STK3: variants seen among roughly 807,000 people sequenced by gnomAD.
STK3 encodes the protein serine/threonine kinase 3.
Under a neutral mutation model 58.0 loss-of-function variants are expected in STK3, and 41 were observed. The observed-to-expected ratio is 0.71, with a 90% CI of 0.55 to 0.92. The LOEUF (loss-of-function observed/expected upper bound fraction) is 0.92. Ranked by LOEUF, STK3 falls within the 40% of genes least tolerant of loss-of-function variation. The probability of loss-of-function intolerance (pLI) is 0.00; values close to 1 mark genes in which losing one functional copy is unlikely to be tolerated. For missense variants in STK3, 479 were observed against 602.7 expected (o/e 0.79, Z 2.15); for synonymous variants, 170 against 191.0 (o/e 0.89, Z 0.91).
intron 6 of STK3, chr8:98,598,115 A>G: frequency 2.0e-6 from 2 of 985,410 alleles, no homozygotes; most frequent in African/African-American, 3.5e-5. Flanking sequence ...CTGCAGGTAA[A>G]TTATACTAGA....
intron 3 of STK3, among the ~76,000 whole-genome samples, chr8:98,417,677 C>T (rs1483051379): frequency 6.6e-6 from 1 of 152,132 alleles, no homozygotes. Context: ...CATGCCCCAC[C>T]ATGTTGTTGT....
At chr8:98,557,390 G>C (rs1402865967) in intron 8 of STK3, among the ~76,000 whole-genome samples, 1 of 152,032 alleles carries the variant, frequency 6.6e-6, no homozygotes, top group African/African-American at 2.4e-5. Flanking sequence ...GCATTACCTT[G>C]AAACTGTACT....
chr8:98,502,103 C>T, intron 10 of STK3, among the ~76,000 whole-genome samples: 1 of 152,134 alleles, frequency 6.6e-6, no homozygotes, highest in Non-Finnish European at 1.5e-5. Context: ...TGTAATTCTC[C>T]TTGAAAAGGT....
At chr8:98,863,190 A>G (rs1371518186) in intron 3 of STK3, among the ~76,000 whole-genome samples, 1 of 152,226 alleles carries the variant, frequency 6.6e-6, no homozygotes, top group African/African-American at 2.4e-5. Context: ...AATATGAAGT[A>G]TGATAGAGAT....
chr8:98,523,373 C>A lies in STK3; in HGVS notation c.1317+3369G>T, dbSNP rs1034829487. On this transcript the variant is annotated intron_variant, in intron 10 of 10. Coordinates refer to ENST00000419617, the MANE Select transcript of STK3 (RefSeq NM_006281.4). ...GAGGAATATCTATTTAAGTCCTTTG[C>A]CCTTTTTTTTTTTTTTTTTGAGACA... Among the ~76,000 whole-genome samples the A allele has an allele frequency of 4.0e-5, 6 of 148,754 alleles. No homozygotes were observed. The East Asian group carries it at 1.2e-3, about 29-fold the overall frequency.
In STK3 at chr8:98,903,487, G is replaced by GTTCTTCTTC. The variant is rs71572029; in HGVS notation, c.-78-19662_-78-19654dup. 3.1e-4 allele frequency among the ~76,000 whole-genome samples: 43 copies of GTTCTTCTTC among 139,726 alleles called. 1 individual carries two copies. Among genetic ancestry groups the GTTCTTCTTC allele is most frequent in the Non-Finnish European group, 5.6e-4 (36 of 64,242 alleles). The allele number at this position is 139,726 out of a possible 152,430, so 91.7% of individuals were successfully genotyped here. ...TTATATTTCCACTTCAATTTAGGAA[G>GTTCTTCTTC]TTCTTCTTCTTCTTCTTCTTCTTCT... On this transcript the variant is annotated intron_variant, in intron 1 of 1. Transcript: ENST00000519420.
intron 9 of STK3, among the ~76,000 whole-genome samples, chr8:98,533,775 C>A (rs1402423004): frequency 6.6e-6 from 1 of 152,290 alleles, no homozygotes; most frequent in South Asian, 2.1e-4. Context: ...CAGGTGTGGG[C>A]CACCATACCT....
chr8:98,783,583 G>A (rs1209365104), intron 1 of STK3, among the ~76,000 whole-genome samples: 1 of 152,062 alleles, frequency 6.6e-6, no homozygotes, highest in African/African-American at 2.4e-5. Flanking sequence ...GGTTAGCTGT[G>A]GAAATTTCTT....
At chr8:98,703,447 G>A (rs185410319) in intron 6 of STK3, among the ~76,000 whole-genome samples, 78 of 152,198 alleles carry the variant, frequency 5.1e-4, no homozygotes, top group African/African-American at 1.7e-3. Flanking sequence ...ACTTACCATA[G>A]TGTCATATCC....
At chr8:98,626,997 A>G (rs1264408856) in intron 6 of STK3, among the ~76,000 whole-genome samples, 2 of 152,214 alleles carry the variant, frequency 1.3e-5, no homozygotes, top group African/African-American at 2.4e-5. Flanking sequence ...AAGATTGAGA[A>G]GAGAGAAAAA....
intron 6 of STK3, among the ~76,000 whole-genome samples, chr8:98,600,216 G>T (rs955982796): frequency 6.6e-6 from 1 of 152,166 alleles, no homozygotes; most frequent in African/African-American, 2.4e-5. Context: ...TTAAGGGAGA[G>T]GGTGCAGCTG....
At chr8:98,777,414 G>C (rs1831769247) in intron 1 of STK3, among the ~76,000 whole-genome samples, 1 of 152,076 alleles carries the variant, frequency 6.6e-6, no homozygotes, top group Non-Finnish European at 1.5e-5. Flanking sequence ...TGTGGTCCCA[G>C]CTACTTGGGA....
chr8:98,846,799 G>A (rs1372095414), intron 3 of STK3, among the ~76,000 whole-genome samples: 1 of 151,854 alleles, frequency 6.6e-6, no homozygotes, highest in Admixed American at 6.6e-5. Flanking sequence ...CACAAAAGGT[G>A]CTGAAACCAC....
chr8:98,910,334 A>G (rs1305627752), intron 1 of STK3, among the ~76,000 whole-genome samples: 2 of 152,200 alleles, frequency 1.3e-5, no homozygotes. Flanking sequence ...TTGTGTAGTA[A>G]TAACCTCAGG....
intron 6 of STK3, among the ~76,000 whole-genome samples, chr8:98,622,925 A>G (rs920289714): frequency 4.6e-5 from 7 of 152,240 alleles, no homozygotes; most frequent in Non-Finnish European, 1.0e-4. Context: ...ACTAATATGC[A>G]TAATAGAACA....
intron 1 of STK3, among the ~76,000 whole-genome samples, chr8:98,935,285 G>A (rs1160743273): frequency 6.6e-6 from 1 of 152,214 alleles, no homozygotes; most frequent in Non-Finnish European, 1.5e-5. Context: ...ATGATAGAAT[G>A]AGCCCAAGTA....
intron 6 of STK3, among the ~76,000 whole-genome samples, chr8:98,639,364 C>T: frequency 6.6e-6 from 1 of 152,174 alleles, no homozygotes; most frequent in Non-Finnish European, 1.5e-5. Flanking sequence ...CCACCCACCT[C>T]AGCCTCCCAA....
intron 1 of STK3, among the ~76,000 whole-genome samples, chr8:98,807,540 G>C (rs897384448): frequency 6.6e-6 from 1 of 152,154 alleles, no homozygotes; most frequent in Non-Finnish European, 1.5e-5. Flanking sequence ...TTACAGGTGT[G>C]AGCCACTGTA....
chr8:98,598,082 C>A (rs1307529415), intron 6 of STK3: 14 of 985,290 alleles, frequency 1.4e-5, no homozygotes, highest in Non-Finnish European at 1.7e-5. Context: ...CTTACATAAG[C>A]CCCTATATAG....
Sources: allele counts gnomAD v4.1 joint callset (sites outside exome capture counted in the v4.1 genomes callset), GRCh38; gene constraint gnomAD v4.1.1; transcripts MANE v1.5; gene names NCBI Gene and HGNC (gene_info 2026-07-23, HGNC 2026-07-21).